NELL1: variants seen among roughly 807,000 people sequenced by gnomAD.
NELL1 encodes protein kinase C-binding protein NELL1.
In NELL1, 76 loss-of-function variants were observed where a neutral mutation model predicts 107.4. The ratio of observed to expected loss-of-function variants is 0.71; its 90% CI spans 0.59 to 0.86. The LOEUF (loss-of-function observed/expected upper bound fraction) is 0.86, where lower values mean the gene tolerates loss of function less well. Among genes scored for constraint, NELL1 ranks in the 40% least tolerant of loss-of-function variants. The pLI is 0.00. For synonymous variants in NELL1, 353 were observed against 341.2 expected (o/e 1.03, Z -0.38); for missense variants, 1,024 against 1,005.5 (o/e 1.02, Z -0.25).
chr11:21,393,889 C>A (rs945943335), intron 15 of NELL1, among the ~76,000 whole-genome samples: 3 of 151,688 alleles, frequency 2.0e-5, no homozygotes, highest in African/African-American at 7.2e-5. Context: ...TCTGGTAGTA[C>A]CTTTGACTAT....
chr11:21,184,747 G>A (rs1455348773), intron 13 of NELL1, among the ~76,000 whole-genome samples: 5 of 151,806 alleles, frequency 3.3e-5, no homozygotes, highest in Admixed American at 6.6e-5. Flanking sequence ...TTTTTAACGA[G>A]GAGTTTTGAT....
rs780290439 is a variant in NELL1, at chr11:21,573,288, G to A, written c.2261G>A (p.Cys754Tyr). 1.2e-6 allele frequency: 2 copies of A among 1,612,486 alleles called. No homozygotes were observed. Among genetic ancestry groups the A allele is most frequent in the Non-Finnish European group, 1.7e-6 (2 of 1,179,058 alleles). ...ECCPRCVSDP[C>Y]LADNITYDIR... The stretch of plus-strand genomic sequence containing the variant: ...TGTCCCCGCTGTGTCAGTGACCCCT[G>A]CCTAGCTGATAACATCACCTATGAC... The change falls in exon 19 of 20, where the codon TGC (cysteine) becomes TAC (tyrosine). Residue 754 changes from cysteine to tyrosine, a missense_variant. Coordinates refer to ENST00000357134, the MANE Select transcript of NELL1 (RefSeq NM_006157.5).
intron 2 of NELL1, among the ~76,000 whole-genome samples, chr11:20,726,022 A>G (rs886965946): frequency 3.3e-5 from 5 of 152,180 alleles, no homozygotes; most frequent in African/African-American, 1.2e-4. Context: ...CTTTGTTAAT[A>G]CATGTAGGAT....
At chr11:21,318,201 A>G (rs902133240) in intron 14 of NELL1, among the ~76,000 whole-genome samples, 4 of 152,156 alleles carry the variant, frequency 2.6e-5, no homozygotes, top group Admixed American at 6.5e-5. Flanking sequence ...CCTGTACTGT[A>G]AAGAGAATTT....
intron 12 of NELL1, among the ~76,000 whole-genome samples, chr11:20,988,737 C>T (rs1375345826): frequency 6.6e-6 from 1 of 151,728 alleles, no homozygotes; most frequent in Non-Finnish European, 1.5e-5. Context: ...ACGACAGGCG[C>T]CCGCCACCAC....
At chr11:21,201,063 G>C (rs190925736) in intron 13 of NELL1, among the ~76,000 whole-genome samples, 20 of 152,208 alleles carry the variant, frequency 1.3e-4, no homozygotes, top group Admixed American at 3.3e-4. Context: ...GTCAGGTAGC[G>C]TGATGCTTCC....
chr11:21,195,932 A>C (rs1227188591), intron 13 of NELL1, among the ~76,000 whole-genome samples: 1 of 152,206 alleles, frequency 6.6e-6, no homozygotes, highest in Non-Finnish European at 1.5e-5. Context: ...TTCAGCATGA[A>C]GTGTTATTAC....
At chr11:20,952,186 C>G (rs1851082599) in intron 11 of NELL1, among the ~76,000 whole-genome samples, 1 of 152,108 alleles carries the variant, frequency 6.6e-6, no homozygotes, top group African/African-American at 2.4e-5. Context: ...GTAATCAGCT[C>G]TAATTGTATC....
At chr11:21,557,568 T>G (rs1302168552) in intron 16 of NELL1, among the ~76,000 whole-genome samples, 3 of 152,156 alleles carry the variant, frequency 2.0e-5, no homozygotes, top group East Asian at 3.9e-4. Flanking sequence ...TTGTTAATGC[T>G]TCCTCTGCCC....
At chr11:21,074,544 A>G (rs1351314332) in intron 12 of NELL1, among the ~76,000 whole-genome samples, 1 of 152,132 alleles carries the variant, frequency 6.6e-6, no homozygotes, top group African/African-American at 2.4e-5. Flanking sequence ...CTGCTGATGT[A>G]TGAGACTAGA....
At chr11:21,123,524 A>G (rs1855420394) in intron 13 of NELL1, among the ~76,000 whole-genome samples, 1 of 151,946 alleles carries the variant, frequency 6.6e-6, no homozygotes, top group Non-Finnish European at 1.5e-5. Flanking sequence ...GTGTGTAGAT[A>G]TATGGATACA....
intron 4 of NELL1, among the ~76,000 whole-genome samples, chr11:20,860,030 C>A (rs1414584625): frequency 1.3e-5 from 2 of 152,156 alleles, no homozygotes; most frequent in African/African-American, 4.8e-5. Context: ...GTCCACGTTT[C>A]CTTCTGTAGT....
chr11:21,402,318 C>G (rs1363966426), intron 15 of NELL1, among the ~76,000 whole-genome samples: 1 of 151,860 alleles, frequency 6.6e-6, no homozygotes, highest in African/African-American at 2.4e-5. Flanking sequence ...AGAAAGTAAC[C>G]TGAAATTATC....
chr11:20,761,625 A>G lies in NELL1; in HGVS notation c.185-22055A>G, dbSNP rs531215494. Among the ~76,000 whole-genome samples the G allele has an allele frequency of 1.3e-3, 200 of 152,348 alleles. 1 individual carries two copies. The highest frequency in any genetic ancestry group is 0.01 in the Middle Eastern group (3 of 294). ...GGCAAATGCTCAGTCCAGGAGATCT[A>G]AATCTTGACTCAGTTCTTCAAGTTT... On this transcript the variant is annotated intron_variant, in intron 2 of 19. Coordinates refer to ENST00000357134, the MANE Select transcript of NELL1 (RefSeq NM_006157.5).
At position 20,868,253 on chromosome 11, in the gene NELL1, A is replaced by G. The variant is rs564062697; in HGVS notation, c.507-17191A>G. 2.0e-5 allele frequency among the ~76,000 whole-genome samples: 3 copies of G among 152,364 alleles called. No homozygotes were observed. In the East Asian group the frequency reaches 5.8e-4, roughly 29 times the overall value. Reference sequence around the variant, plus strand: ...ACCTCCATGACTCCCAAGCCATCATATTCTCACGTGCTAAGTGAAATAAGC... The same window carrying G: ...ACCTCCATGACTCCCAAGCCATCATGTTCTCACGTGCTAAGTGAAATAAGC... On this transcript the variant is annotated intron_variant, in intron 4 of 19. Transcript: ENST00000357134.
At chr11:21,184,715 A>G (rs112704647) in intron 13 of NELL1, among the ~76,000 whole-genome samples, 20 of 120,792 alleles carry the variant, frequency 1.7e-4, no homozygotes, top group Non-Finnish European at 3.0e-4. Context: ...ATGTTTTACC[A>G]TAATAAAATG....
In NELL1 at chr11:21,322,243, G is replaced by A. The variant is rs138981398; in HGVS notation, c.1550-48610G>A. Among the ~76,000 whole-genome samples the A allele has an allele frequency of 1.9e-4, 29 of 152,234 alleles. 1 individual carries two copies. In the East Asian group the frequency reaches 5.6e-3, roughly 29 times the overall value. On this transcript the variant is annotated intron_variant, in intron 14 of 19. Coordinates refer to ENST00000357134, the MANE Select transcript of NELL1 (RefSeq NM_006157.5). ...TATGAGTTAAAAGACCCTGCTTCAT[G>A]TCTTGGGCCCCTTGTCATTTGGGGA...
intron 2 of NELL1, among the ~76,000 whole-genome samples, chr11:20,693,465 C>T (rs1211727995): frequency 6.6e-6 from 1 of 151,870 alleles, no homozygotes; most frequent in South Asian, 2.1e-4. Context: ...TTCAGGAGCT[C>T]TTTTAGGGCA....
At chr11:20,794,523 G>A (rs1284077149) in intron 3 of NELL1, among the ~76,000 whole-genome samples, 5 of 152,188 alleles carry the variant, frequency 3.3e-5, no homozygotes, top group Admixed American at 2.6e-4. Flanking sequence ...CTACACATGG[G>A]AGGCTGTGCA....
Sources: allele counts gnomAD v4.1 joint callset (sites outside exome capture counted in the v4.1 genomes callset), GRCh38; gene constraint gnomAD v4.1.1; transcripts MANE v1.5; gene names NCBI Gene and HGNC (gene_info 2026-07-23, HGNC 2026-07-21).